Variants in SVOPL observed in about 807,000 individuals in gnomAD.
The protein encoded by SVOPL is putative transporter SVOPL.
In SVOPL, 60 loss-of-function variants were observed where a neutral mutation model predicts 61.0. The ratio of observed to expected loss-of-function variants is 0.98; its 90% CI spans 0.80 to 1.22. The LOEUF is 1.22. SVOPL is among the 50% of genes most tolerant of loss of function. The pLI, the probability that SVOPL is intolerant of heterozygous loss-of-function variation, is 0.00. For missense variants in SVOPL, 662 were observed against 643.9 expected (o/e 1.03, Z -0.30); for synonymous variants, 279 against 250.0 (o/e 1.12, Z -1.09).
rs1483580113 is a variant in SVOPL at position 138,661,543 on chromosome 7, T to C, written c.345+1531A>G. On this transcript the variant is annotated intron_variant, in intron 5 of 15. Coordinates refer to ENST00000674285, the MANE Select transcript of SVOPL (RefSeq NM_001139456.2). ...CATTTTGTTTTTCTTACCTTCCCTGTAGTTTCCAGACTAGCTGATAAATTA... is the reference window on the plus strand; with the variant it reads ...CATTTTGTTTTTCTTACCTTCCCTGCAGTTTCCAGACTAGCTGATAAATTA... 1.1e-5 allele frequency: 11 copies of C among 985,390 alleles called. No individual in the cohort carries two copies. The African/African-American group carries it at 1.4e-4, about 12-fold the overall frequency. 61.0% of individuals were successfully genotyped at this position (985,390 alleles called of 1,614,324 possible).
intron 9 of SVOPL, among the ~76,000 whole-genome samples, chr7:138,639,619 CA>C (rs71179709): frequency 0.66 from 83,224 of 126,906 alleles, 26,312 homozygotes; most frequent in Middle Eastern, 0.78. Context: ...GACTCCGTCT[CA>C]AAAAAAAAAA....
chr7:138,656,723 A>G (rs1801752685), intron 6 of SVOPL, among the ~76,000 whole-genome samples: 1 of 152,188 alleles, frequency 6.6e-6, no homozygotes, highest in Non-Finnish European at 1.5e-5. Context: ...TTTACTCCCA[A>G]TACTTTAAAC....
chr7:138,700,144 A>G (rs1803158283), intron 1 of SVOPL, among the ~76,000 whole-genome samples: 1 of 152,122 alleles, frequency 6.6e-6, no homozygotes, highest in South Asian at 2.1e-4. Flanking sequence ...GTTAGTTAGC[A>G]TATATATGAA....
chr7:138,615,560 C>CAAAAAAAA lies in SVOPL; in HGVS notation c.1353+5478_1353+5485dup, dbSNP rs770404185. ...GGGTGACAGAGCGAGACTCCGTCTC[C>CAAAAAAAA]AAAAAAAAAAAAAAAAAAAAAAAAA... is the stretch of plus-strand genomic sequence containing the variant. On this transcript the variant is annotated intron_variant, in intron 14 of 15. Coordinates refer to ENST00000674285, the MANE Select transcript of SVOPL (RefSeq NM_001139456.2). 5.4e-3 allele frequency among the ~76,000 whole-genome samples: 30 copies of CAAAAAAAA among 5,542 alleles called. 6 individuals are homozygous for CAAAAAAAA. Among genetic ancestry groups the CAAAAAAAA allele is most frequent in the African/African-American group, 9.3e-3 (28 of 3,014 alleles). 3.6% of individuals were successfully genotyped at this position (5,542 alleles called of 152,430 possible).
intron 8 of SVOPL, among the ~76,000 whole-genome samples, chr7:138,647,236 T>C (rs1463300293): frequency 6.6e-6 from 1 of 151,656 alleles, no homozygotes; most frequent in Non-Finnish European, 1.5e-5. Context: ...TAGCTGGGTG[T>C]GGTGGCACGC....
At chr7:138,659,053 T>G (rs996123005) in intron 6 of SVOPL, among the ~76,000 whole-genome samples, 1 of 152,132 alleles carries the variant, frequency 6.6e-6, no homozygotes, top group Non-Finnish European at 1.5e-5. Context: ...TTAAGTCTGG[T>G]GAGACACATT....
chr7:138,628,116 C>A (rs374773057), intron 11 of SVOPL, 42 bp downstream of exon 11: 13 of 1,609,656 alleles, frequency 8.1e-6, no homozygotes, highest in Non-Finnish European at 1.1e-5. Flanking sequence ...TGCACATAGA[C>A]CACCCAAGAC....
intron 9 of SVOPL, among the ~76,000 whole-genome samples, chr7:138,637,030 C>G (rs1173562488): frequency 6.6e-6 from 1 of 152,080 alleles, no homozygotes; most frequent in African/African-American, 2.4e-5. Context: ...GAAACATTCT[C>G]TTTATCATAT....
chr7:138,639,198 T>G (rs1425341536), intron 9 of SVOPL, among the ~76,000 whole-genome samples: 1 of 149,164 alleles, frequency 6.7e-6, no homozygotes, highest in Non-Finnish European at 1.5e-5. Context: ...AAGGTTGCAG[T>G]GAGCTGAGAT....
chr7:138,622,131 T>G (rs1352558100), intron 13 of SVOPL, among the ~76,000 whole-genome samples: 1 of 139,708 alleles, frequency 7.2e-6, no homozygotes, highest in Non-Finnish European at 1.6e-5. Context: ...TGTATCTATC[T>G]ATCTATGTAT....
intron 1 of SVOPL, among the ~76,000 whole-genome samples, chr7:138,696,399 T>TTTG (rs914357521): frequency 2.2e-4 from 33 of 151,736 alleles, no homozygotes; most frequent in African/African-American, 3.1e-4. Context: ...CCTGGCTAAT[T>TTTG]TTGTTGTTGT....
chr7:138,651,303 C>T (rs945613474), intron 7 of SVOPL, among the ~76,000 whole-genome samples: 3 of 152,118 alleles, frequency 2.0e-5, no homozygotes, highest in Non-Finnish European at 4.4e-5. Flanking sequence ...GATGATCATC[C>T]TGGGCTCAGA....
At chr7:138,611,869 C>T (rs1185609265) in intron 14 of SVOPL, among the ~76,000 whole-genome samples, 5 of 79,118 alleles carry the variant, frequency 6.3e-5, no homozygotes, top group East Asian at 3.5e-4. Flanking sequence ...CAGCCTCTGC[C>T]CGGCCGCCAC....
At chr7:138,688,262 G>A (rs781218860) in intron 1 of SVOPL, among the ~76,000 whole-genome samples, 3 of 148,966 alleles carry the variant, frequency 2.0e-5, no homozygotes, top group South Asian at 2.1e-4. Flanking sequence ...GTAGGATGCC[G>A]AAAAATTTTG....
rs77964394 is a variant in SVOPL, at chr7:138,649,210, A to G, written c.535-73T>C. 0.013 allele frequency: 19,345 copies of G among 1,495,580 alleles called. 1,153 individuals are homozygous for G. The East Asian group carries it at 0.21, about 16-fold the overall frequency. The allele number at this position is 1,495,580 out of a possible 1,614,324, so 92.6% of individuals were successfully genotyped here. ...AATGAAAAAAAAAAAGGAAAAATAT[A>G]TATTTTTAGAAAGATTAAAATTCCT... On this transcript the variant is annotated intron_variant, in intron 7 of 15. Transcript: ENST00000674285.
At chr7:138,600,454 TAGTC>T (rs1472398054) in intron 14 of SVOPL, among the ~76,000 whole-genome samples, 2 of 151,626 alleles carry the variant, frequency 1.3e-5, no homozygotes, top group Admixed American at 1.3e-4. Flanking sequence ...ATAAAAAAAT[TAGTC>T]AGACACAGCA....
At chr7:138,670,251 C>A (rs576704836) in intron 4 of SVOPL, among the ~76,000 whole-genome samples, 3 of 152,116 alleles carry the variant, frequency 2.0e-5, no homozygotes, top group Non-Finnish European at 2.9e-5. Flanking sequence ...ACTAAACCAC[C>A]TTTATAAAGT....
In SVOPL at chr7:138,628,202, G is replaced by C. The variant is rs756210473; in HGVS notation, c.1025C>G (p.Ser342Cys). Residue 342 changes from serine to cysteine, a missense_variant, in exon 11 of 16, where the codon TCT becomes TGT. Ser to Cys is a moderately radical substitution (Grantham distance 112). Coordinates refer to ENST00000674285, the MANE Select transcript of SVOPL (RefSeq NM_001139456.2). ...GCTGATGATCATGGTCCGATAGTCAGAGGGTGCAAACATGTGGCAGTAGCA... is the reference window on the plus strand; with the variant it reads ...GCTGATGATCATGGTCCGATAGTCACAGGGTGCAAACATGTGGCAGTAGCA... ...SPCYCHMFAP[S>C]DYRTMIISTI... 6.2e-7 allele frequency: 1 copy of C among 1,614,230 alleles called. No homozygotes were observed. Among genetic ancestry groups the C allele is most frequent in the Non-Finnish European group, 8.5e-7 (1 of 1,180,044 alleles).
At chr7:138,599,607 G>T (rs1798428132) in intron 14 of SVOPL, among the ~76,000 whole-genome samples, 1 of 152,126 alleles carries the variant, frequency 6.6e-6, no homozygotes, top group Admixed American at 6.6e-5. Flanking sequence ...AAATCAATTT[G>T]CCAGGCGTGG....
Sources: allele counts gnomAD v4.1 joint callset (sites outside exome capture counted in the v4.1 genomes callset), GRCh38; gene constraint gnomAD v4.1.1; transcripts MANE v1.5; gene names NCBI Gene and HGNC (gene_info 2026-07-23, HGNC 2026-07-21).